Variants in FCSK observed in about 807,000 individuals in gnomAD.
The protein encoded by FCSK is fucose kinase, also known as L-fucose kinase.
A neutral mutation model predicts 122.5 loss-of-function variants in FCSK; 123 were observed. The ratio of observed to expected loss-of-function variants is 1.00; its 90% CI spans 0.87 to 1.17. FCSK has a LOEUF of 1.17. FCSK is among the 50% of genes most tolerant of loss of function. The probability of loss-of-function intolerance (pLI) is 0.00; values close to 1 mark genes in which losing one functional copy is unlikely to be tolerated. For synonymous variants in FCSK, 620 were observed against 625.5 expected, an observed-to-expected ratio of 0.99 and a Z score of 0.13; for missense variants, 1,366 against 1,450.4, an observed-to-expected ratio of 0.94 and a Z score of 0.95.
At chr16:70,475,557 C>T in intron 19 of FCSK, 64 bp downstream of exon 19, 1 of 1,588,734 alleles carries the variant, frequency 6.3e-7, no homozygotes, top group Non-Finnish European at 8.6e-7. Context: ...GCCTGTGATC[C>T]CCCTTCCTGG....
intron 4 of FCSK, 32 bp from the exon 5 acceptor site, chr16:70,466,100 T>C: frequency 6.2e-7 from 1 of 1,609,782 alleles, no homozygotes; most frequent in Non-Finnish European, 8.5e-7. Context: ...CTCTGTGCAC[T>C]GAGGCTTCCT....
Position 70,479,288 on chromosome 16 carries a change from C to A in FCSK, c.3038C>A (p.Ala1013Asp). Residue 1013 changes from alanine to aspartate, a missense_variant, in exon 23 of 24, where the codon GCC (alanine) becomes GAC (aspartate). Ala to Asp is a moderately radical substitution (Grantham distance 126). Coordinates refer to ENST00000288078, the MANE Select transcript of FCSK (RefSeq NM_145059.3). ...GTGCGGCGTATGATGGATGTCCTGG[C>A]CCCCCACGTGCATGGCCAGAGCCTG... The part of the protein sequence containing the change: ...LTVRRMMDVL[A>D]PHVHGQSLAG... 1.2e-6 allele frequency: 2 copies of A among 1,613,890 alleles called. No homozygotes were observed. Among genetic ancestry groups the A allele is most frequent in the South Asian group, 1.1e-5 (1 of 91,084 alleles).
At chr16:70,462,654 AT>A in intron 1 of FCSK, among the ~76,000 whole-genome samples, 1 of 149,606 alleles carries the variant, frequency 6.7e-6, no homozygotes, top group African/African-American at 2.5e-5. Flanking sequence ...TTATTTATTT[AT>A]TTTTTTTGAG....
chr16:70,458,592 G>T (rs574801620), intron 1 of FCSK, among the ~76,000 whole-genome samples: 1 of 152,092 alleles, frequency 6.6e-6, no homozygotes, highest in East Asian at 1.9e-4. Flanking sequence ...GGGATTACAG[G>T]TGCCTGCCAC....
In FCSK at chr16:70,474,672, C is replaced by T; in HGVS notation, c.2133C>T (p.Cys711=). The T allele has an allele frequency of 1.9e-6, 3 of 1,601,022 alleles. No homozygotes were observed. The highest frequency in any genetic ancestry group is 2.3e-5 in the East Asian group (1 of 44,380). ...CTGGGCAGTGGGTGGTGGCTGAGTGCCCGGCCCGTGTGGATTTCTCTGGTG... is the reference window on the plus strand; with the variant it reads ...CTGGGCAGTGGGTGGTGGCTGAGTGTCCGGCCCGTGTGGATTTCTCTGGTG... ...PGPGQWVVAE[C]PARVDFSGGW... is the part of the protein sequence containing the mutation. Residue 711 remains cysteine (C), a synonymous_variant, in exon 17 of 24, where the codon TGC becomes TGT. Coordinates refer to ENST00000288078, the MANE Select transcript of FCSK (RefSeq NM_145059.3).
chr16:70,475,928 C>A, intron 20 of FCSK, 161 bp downstream of exon 20: 2 of 704,880 alleles, frequency 2.8e-6, no homozygotes, highest in East Asian at 3.2e-5. Flanking sequence ...CTTCTCTGGT[C>A]GTTTTCAACC....
chr16:70,470,849 G>C (rs989773594), intron 11 of FCSK, 122 bp from the exon 12 acceptor site: 1 of 804,902 alleles, frequency 1.2e-6, no homozygotes, highest in Non-Finnish European at 2.0e-6. Context: ...GGAGTCTAGG[G>C]TGCTGCAGGG....
Position 70,474,811 on chromosome 16 carries a change from C to T in FCSK, c.2177C>T (p.Pro726Leu), listed in dbSNP as rs1234370264. ...ATAGGGGGCTGGAGTGACACGCCAC[C>T]CCTTGCCTATGAGCTTGGCGGGGCT... ...DFSGGWSDTPPLAYELGGAVL... is the reference protein window; with the variant it reads ...DFSGGWSDTPLLAYELGGAVL... The change falls in exon 18 of 24, where the codon CCC becomes CTC. Residue 726 changes from proline (P) to leucine (L), a missense_variant. By Grantham distance (98) the Pro-to-Leu change is moderately conservative. Transcript: ENST00000288078. 3.2e-6 allele frequency: 5 copies of T among 1,584,032 alleles called. No individual in the cohort carries two copies. In the African/African-American group the frequency reaches 6.7e-5, roughly 21 times the overall value.
intron 20 of FCSK, 199 bp downstream of exon 20, chr16:70,475,966 T>C: frequency 1.9e-6 from 1 of 529,334 alleles, no homozygotes; most frequent in Admixed American, 3.8e-5. Flanking sequence ...CAACGAGCCG[T>C]TTCACAAGCA....
In FCSK at chr16:70,467,743, G is replaced by GC. The variant is rs1232280564; in HGVS notation, c.583-136dup. 31 of 705,106 alleles carry GC rather than the reference G, an allele frequency of 4.4e-5. 1 individual carries two copies. The highest frequency in any genetic ancestry group is 8.6e-5 in the South Asian group (5 of 58,272). 43.7% of individuals were successfully genotyped at this position (705,106 alleles called of 1,614,324 possible). On this transcript the variant is annotated intron_variant, in intron 7 of 23. Coordinates refer to ENST00000288078, the MANE Select transcript of FCSK (RefSeq NM_145059.3). ...TGCCATCATGGAGTAGAAATCTCAG[G>GC]CCCCCCCTGAGAATGCCAGCAACTG... is the stretch of plus-strand genomic sequence containing the variant.
At chr16:70,455,218 T>A (rs1055176706) in intron 1 of FCSK, among the ~76,000 whole-genome samples, 1 of 152,200 alleles carries the variant, frequency 6.6e-6, no homozygotes, top group South Asian at 2.1e-4. Context: ...GAGTTCTTAG[T>A]ACTTTATTCT....
chr16:70,458,419 C>T (rs2048161547), intron 1 of FCSK, among the ~76,000 whole-genome samples: 1 of 151,760 alleles, frequency 6.6e-6, no homozygotes, highest in Non-Finnish European at 1.5e-5. Flanking sequence ...CTCGGCCTCC[C>T]AAAGTGCTGA....
rs368077164 is a variant in FCSK, at chr16:70,475,618, C to G, written c.2522-30C>G. On this transcript the variant is annotated intron_variant, in intron 19 of 23. Coordinates refer to ENST00000288078, the MANE Select transcript of FCSK (RefSeq NM_145059.3). ...AGGCCTGGGCAGGGTGGAGGTGTTT[C>G]ATGTCTGCTCTCTCCTCTCCGCCCT... 1.7e-4 allele frequency: 266 copies of G among 1,573,106 alleles called. 1 individual carries two copies. The highest frequency in any genetic ancestry group is 2.0e-4 in the Non-Finnish European group (236 of 1,154,750).
At chr16:70,463,553 G>C in intron 2 of FCSK, 70 bp from the exon 3 acceptor site, 2 of 1,577,824 alleles carry the variant, frequency 1.3e-6, no homozygotes, top group Non-Finnish European at 1.7e-6. Flanking sequence ...ATGATCAGTA[G>C]GCTTGCTTAC....
At position 70,468,959 on chromosome 16, in the gene FCSK, G is replaced by A. The variant is rs1471162226; in HGVS notation, c.774G>A (p.Arg258=). Residue 258 remains arginine (R), a synonymous_variant, in exon 9 of 24, where the codon CGG becomes CGA. Transcript: ENST00000288078. ...CTYLGLDSGA[R]PVQLSLFFDI... is the part of the protein sequence containing the mutation. Reference sequence around the variant, plus strand: ...ACCTAGGCTTGGACTCCGGAGCCCGGCCTGTCCAGGTGACTGGGGGAGGGC... The same window carrying A: ...ACCTAGGCTTGGACTCCGGAGCCCGACCTGTCCAGGTGACTGGGGGAGGGC... 1 of 1,613,248 alleles carries A rather than the reference G, an allele frequency of 6.2e-7. No homozygotes were observed. The highest frequency in any genetic ancestry group is 1.7e-4 in the Middle Eastern group (1 of 6,060).
intron 1 of FCSK, among the ~76,000 whole-genome samples, chr16:70,460,644 C>G (rs1286014633): frequency 6.6e-6 from 1 of 152,168 alleles, no homozygotes; most frequent in Admixed American, 6.6e-5. Context: ...ACCTCGTGAT[C>G]TGCCCGCCTT....
At chr16:70,470,122 C>T (rs983211715) in intron 10 of FCSK, among the ~76,000 whole-genome samples, 192 bp from the exon 11 acceptor site, 5 of 152,180 alleles carry the variant, frequency 3.3e-5, no homozygotes, top group African/African-American at 4.8e-5. Context: ...GGATTACAGG[C>T]GTGAGCCACT....
chr16:70,466,214 T>C lies in FCSK; in HGVS notation c.368T>C (p.Leu123Ser). ...AACCCCGAGGCCCCCGTGGAAGCCT[T>C]GGTCTGCAACCTGGACTGCCTGCTG... ...VENPEAPVEA[L>S]VCNLDCLLDI... Residue 123 changes from leucine to serine, a missense_variant, in exon 5 of 24, where the codon TTG (leucine) becomes TCG (serine). By Grantham distance (145) the Leu-to-Ser change is moderately radical. Transcript: ENST00000288078. 6.2e-7 allele frequency: 1 copy of C among 1,613,964 alleles called. No homozygotes were observed. The highest frequency in any genetic ancestry group is 8.5e-7 in the Non-Finnish European group (1 of 1,179,918).
chr16:70,468,109 G>A, intron 8 of FCSK, 143 bp downstream of exon 8: 1 of 690,740 alleles, frequency 1.4e-6, no homozygotes, highest in Non-Finnish European at 2.5e-6. Flanking sequence ...TGGAATTCAG[G>A]GTCTTGTCCT....
Sources: allele counts gnomAD v4.1 joint callset (sites outside exome capture counted in the v4.1 genomes callset), GRCh38; gene constraint gnomAD v4.1.1; transcripts MANE v1.5; gene names NCBI Gene and HGNC (gene_info 2026-07-23, HGNC 2026-07-21).